RAD51B: variants seen among roughly 807,000 people sequenced by gnomAD.
RAD51B encodes the protein DNA repair protein RAD51 homolog 2.
Under a neutral mutation model 42.2 loss-of-function variants are expected in RAD51B, and 38 were observed. The ratio of observed to expected loss-of-function variants is 0.90; its 90% CI spans 0.70 to 1.18. The LOEUF is 1.18. Ranked by LOEUF, RAD51B falls within the 50% of genes most tolerant of loss-of-function variation. RAD51B has a pLI of 0.00. For synonymous variants in RAD51B, 154 were observed against 145.2 expected (o/e 1.06, Z -0.43); for missense variants, 373 against 400.7 (o/e 0.93, Z 0.59).
At chr14:67,845,224 T>C (rs1331693770) in intron 4 of RAD51B, among the ~76,000 whole-genome samples, 1 of 152,254 alleles carries the variant, frequency 6.6e-6, no homozygotes, top group South Asian at 2.1e-4. Flanking sequence ...AGTGTGTTTT[T>C]GTAGTGGCTG....
At chr14:68,636,164 G>A (rs527695514) in intron 10 of RAD51B, among the ~76,000 whole-genome samples, 16 of 152,298 alleles carry the variant, frequency 1.1e-4, no homozygotes, top group Admixed American at 2.6e-4. Context: ...GGGGAGGCCC[G>A]ACTGGGGTAG....
At chr14:68,606,697 C>T (rs1381792589) in intron 10 of RAD51B, among the ~76,000 whole-genome samples, 3 of 152,130 alleles carry the variant, frequency 2.0e-5, no homozygotes, top group African/African-American at 4.8e-5. Context: ...TGGAAGGAAT[C>T]GCATCTTAGA....
At chr14:67,855,249 GAGACA>G (rs2041950782) in intron 4 of RAD51B, among the ~76,000 whole-genome samples, 1 of 147,766 alleles carries the variant, frequency 6.8e-6, no homozygotes, top group African/African-American at 2.5e-5. Flanking sequence ...TTTTTTTTTT[GAGACA>G]GAGTCTTGCT....
At chr14:68,655,695 C>T (rs976510946) in intron 11 of RAD51B, among the ~76,000 whole-genome samples, 10 of 152,186 alleles carry the variant, frequency 6.6e-5, no homozygotes, top group Admixed American at 1.3e-4. Flanking sequence ...GCATACATCT[C>T]GGAAGTCAGC....
At chr14:67,836,570 C>T (rs559643880) in intron 4 of RAD51B, among the ~76,000 whole-genome samples, 12 of 151,428 alleles carry the variant, frequency 7.9e-5, no homozygotes, top group African/African-American at 2.9e-4. Context: ...ACTGCAACCT[C>T]TGCCTCCCAG....
chr14:68,455,740 T>A (rs538816076), intron 9 of RAD51B, among the ~76,000 whole-genome samples: 1 of 151,382 alleles, frequency 6.6e-6, no homozygotes, highest in Non-Finnish European at 1.5e-5. Flanking sequence ...AAAAAAAATT[T>A]TTTTTTAAAA....
intron 7 of RAD51B, among the ~76,000 whole-genome samples, chr14:68,271,048 G>T (rs866572655): frequency 1.3e-5 from 2 of 151,900 alleles, no homozygotes; most frequent in African/African-American, 2.4e-5. Context: ...AGCCTCTGTC[G>T]CCCATTTTGT....
chr14:68,618,315 C>A (rs1303336118), intron 10 of RAD51B, among the ~76,000 whole-genome samples: 1 of 152,188 alleles, frequency 6.6e-6, no homozygotes, highest in African/African-American at 2.4e-5. Flanking sequence ...CAGGAAACTA[C>A]AAGACAGAAA....
chr14:68,377,664 T>G (rs2083398399), intron 8 of RAD51B, among the ~76,000 whole-genome samples: 1 of 152,244 alleles, frequency 6.6e-6, no homozygotes, highest in Non-Finnish European at 1.5e-5. Flanking sequence ...CTGGAGCAGA[T>G]AGTGAACTCT....
intron 7 of RAD51B, among the ~76,000 whole-genome samples, chr14:68,258,103 C>T (rs985940493): frequency 6.6e-6 from 1 of 152,002 alleles, no homozygotes; most frequent in African/African-American, 2.4e-5. Flanking sequence ...CATAAGTGAG[C>T]TGTGTGAGTG....
intron 10 of RAD51B, among the ~76,000 whole-genome samples, chr14:68,620,934 A>G (rs913783129): frequency 6.6e-6 from 1 of 152,182 alleles, no homozygotes; most frequent in African/African-American, 2.4e-5. Context: ...GCTGTTTTGT[A>G]TAGTAAACAC....
intron 7 of RAD51B, among the ~76,000 whole-genome samples, chr14:67,927,790 G>A (rs1464615767): frequency 0.025 from 3,671 of 148,830 alleles, 212 homozygotes; most frequent in African/African-American, 0.089. Context: ...TATATAATGT[G>A]TGTGTCTTTT....
intron 1 of RAD51B, among the ~76,000 whole-genome samples, chr14:67,820,603 G>T (rs1198212607): frequency 6.6e-6 from 1 of 152,022 alleles, no homozygotes; most frequent in Non-Finnish European, 1.5e-5. Flanking sequence ...ATAGTATTTT[G>T]ATAAGATTAT....
intron 10 of RAD51B, among the ~76,000 whole-genome samples, chr14:68,648,887 GAGAAACAGATCTAC>G (rs1317321202): frequency 6.6e-6 from 1 of 151,730 alleles, no homozygotes; most frequent in Non-Finnish European, 1.5e-5. Flanking sequence ...CAGGTTATGG[GAGAAACAGATCTAC>G]ATGTCAGTCA....
At chr14:67,848,164 C>T (rs141104387) in intron 4 of RAD51B, among the ~76,000 whole-genome samples, 6 of 152,128 alleles carry the variant, frequency 3.9e-5, no homozygotes, top group East Asian at 1.9e-4. Flanking sequence ...ATTACAGGCA[C>T]GTGCCACCAC....
In RAD51B at chr14:68,682,910, C is replaced by CTTTTTT. The variant is rs535044457; in HGVS notation, c.*11+32069_*11+32074dup. 189 of 701,174 alleles carry CTTTTTT rather than the reference C, an allele frequency of 2.7e-4. 2 individuals carry two copies. The highest frequency in any genetic ancestry group is 7.4e-4 in the Admixed American group (5 of 6,782). The allele number at this position is 701,174 out of a possible 1,614,324, so 43.4% of individuals were successfully genotyped here. On this transcript the variant is annotated intron_variant, in intron 11 of 11. Transcript: ENST00000488612. ...TTTAATAAAAATCTGTAGCTTATGG[C>CTTTTTT]TTTTTTTTTTTTTTTTTTTTGTATA...
intron 5 of RAD51B, among the ~76,000 whole-genome samples, chr14:67,874,830 T>A (rs908162088): frequency 6.6e-6 from 1 of 152,174 alleles, no homozygotes; most frequent in Non-Finnish European, 1.5e-5. Context: ...AATTCCAGTT[T>A]ACATGAACTG....
At chr14:68,088,589 CGTGT>C (rs150938541) in intron 7 of RAD51B, among the ~76,000 whole-genome samples, 3 of 137,000 alleles carry the variant, frequency 2.2e-5, no homozygotes, top group Admixed American at 8.0e-5. Context: ...GTTATGGGAT[CGTGT>C]GTGTGTGTGT....
chr14:68,077,782 C>T (rs190250318), intron 7 of RAD51B, among the ~76,000 whole-genome samples: 1 of 152,262 alleles, frequency 6.6e-6, no homozygotes, highest in African/African-American at 2.4e-5. Context: ...ATGGTGAAAC[C>T]CTGTCTCTAC....
Sources: gnomAD v4.1 joint callset for allele counts (sites outside exome capture counted in the v4.1 genomes callset) on GRCh38, gnomAD v4.1.1 for gene constraint, MANE v1.5 for transcripts, NCBI Gene and HGNC (gene_info 2026-07-23, HGNC 2026-07-21) for gene names.